The following SLC38A6 variants were observed in gnomAD, a reference collection of about 807,000 sequenced individuals.
SLC38A6 encodes the protein N system amino acid transporter NAT-1.
SLC38A6 carries 73 observed loss-of-function variants against 65.0 expected under a neutral mutation model. The ratio of observed to expected loss-of-function variants is 1.12; its 90% CI spans 0.93 to 1.37. SLC38A6 has a LOEUF of 1.37. Ranked by LOEUF, SLC38A6 falls within the 40% of genes most tolerant of loss-of-function variation. The pLI is 0.00. For missense variants in SLC38A6, 561 were observed against 531.1 expected (o/e 1.06, Z -0.55); for synonymous variants, 183 against 178.8 (o/e 1.02, Z -0.19).
chr14:60,994,853 A>C (rs528188317), intron 3 of SLC38A6, among the ~76,000 whole-genome samples: 3 of 151,116 alleles, frequency 2.0e-5, no homozygotes, highest in African/African-American at 4.9e-5. Flanking sequence ...AAAATACAAA[A>C]ATTAGCCAAG....
chr14:60,990,891 C>T (rs925397972), intron 3 of SLC38A6, among the ~76,000 whole-genome samples: 1 of 152,064 alleles, frequency 6.6e-6, no homozygotes, highest in African/African-American at 2.4e-5. Context: ...ACCACGATGC[C>T]TAGGCTGTTT....
intron 3 of SLC38A6, among the ~76,000 whole-genome samples, chr14:60,998,286 C>T (rs140021687): frequency 2.0e-3 from 307 of 151,860 alleles, no homozygotes; most frequent in African/African-American, 7.2e-3. Context: ...CTGCCATCCC[C>T]GCATCCTGTA....
At chr14:61,014,115 T>A (rs998980973) in intron 3 of SLC38A6, among the ~76,000 whole-genome samples, 7 of 152,354 alleles carry the variant, frequency 4.6e-5, no homozygotes, top group African/African-American at 1.2e-4. Context: ...ACTTCTCTTC[T>A]CGCTTCATTT....
rs772877684 is a variant in SLC38A6, at chr14:61,046,114, T to C, written c.872T>C (p.Leu291Ser). Residue 291 changes from leucine (L) to serine (S), a missense_variant, in exon 12 of 16, where the codon TTA (leucine) becomes TCA (serine). Leu to Ser is a moderately radical substitution (Grantham distance 145). Transcript: ENST00000267488. ...MQNVTNTAIA[L>S]SFLIYFISAL... ...AATGTTACCAATACAGCAATTGCTT[T>C]AAGTTTTCTCATTTATTTTATATCT... 3.7e-6 allele frequency: 6 copies of C among 1,612,012 alleles called. No individual in the cohort carries two copies. The highest frequency in any genetic ancestry group is 2.7e-5 in the African/African-American group (2 of 74,898).
intron 3 of SLC38A6, among the ~76,000 whole-genome samples, chr14:60,988,779 A>T (rs1056807729): frequency 6.6e-6 from 1 of 152,190 alleles, no homozygotes; most frequent in Admixed American, 6.5e-5. Flanking sequence ...ATGTTATTTA[A>T]TCCCTTGCCT....
intron 4 of SLC38A6, among the ~76,000 whole-genome samples, chr14:61,018,117 G>A (rs1025806055): frequency 6.6e-6 from 1 of 152,110 alleles, no homozygotes; most frequent in Non-Finnish European, 1.5e-5. Flanking sequence ...TAGCTTTCAA[G>A]ATATTAAATG....
intron 12 of SLC38A6, among the ~76,000 whole-genome samples, chr14:61,046,783 T>G (rs972325621): frequency 2.0e-5 from 3 of 152,166 alleles, no homozygotes; most frequent in Non-Finnish European, 2.9e-5. Flanking sequence ...GTTGACTTTT[T>G]TTCCTCTTCT....
intron 12 of SLC38A6, among the ~76,000 whole-genome samples, chr14:61,046,468 G>A (rs1417389643): frequency 2.6e-5 from 4 of 152,134 alleles, no homozygotes; most frequent in Admixed American, 6.6e-5. Context: ...TAATGATTCT[G>A]TTTTTCTTAA....
At chr14:61,043,407 ATGGCTGT>A (rs2041929942) in intron 9 of SLC38A6, 36 bp from the exon 10 acceptor site, 1 of 1,434,806 alleles carries the variant, frequency 7.0e-7, no homozygotes, top group Non-Finnish European at 9.6e-7. Context: ...CTGAAATTTA[ATGGCTGT>A]TGGTTTCTCT....
chr14:61,073,060 A>G (rs905013377), intron 15 of SLC38A6, among the ~76,000 whole-genome samples: 2 of 151,822 alleles, frequency 1.3e-5, no homozygotes, highest in African/African-American at 4.8e-5. Flanking sequence ...TATTATCTGT[A>G]TTTTTTATAA....
chr14:61,014,089 A>G (rs1217334975), intron 3 of SLC38A6, among the ~76,000 whole-genome samples: 2 of 151,944 alleles, frequency 1.3e-5, no homozygotes, highest in African/African-American at 4.8e-5. Context: ...ATTTCTTTTT[A>G]TTCTTTTTTC....
At chr14:60,992,200 C>T (rs2037951598) in intron 3 of SLC38A6, among the ~76,000 whole-genome samples, 1 of 152,124 alleles carries the variant, frequency 6.6e-6, no homozygotes, top group African/African-American at 2.4e-5. Context: ...TCCATGCTGC[C>T]GAAACATATC....
At chr14:61,029,820 A>C (rs1421832551) in intron 5 of SLC38A6, among the ~76,000 whole-genome samples, 5 of 152,210 alleles carry the variant, frequency 3.3e-5, no homozygotes, top group African/African-American at 1.2e-4. Context: ...TAATATATTT[A>C]ATGGTTTATA....
intron 3 of SLC38A6, among the ~76,000 whole-genome samples, chr14:61,013,268 C>T (rs2039722308): frequency 1.3e-5 from 2 of 152,128 alleles, no homozygotes; most frequent in Admixed American, 6.5e-5. Context: ...TATTTTGAGC[C>T]TATGTGTGTC....
chr14:61,007,137 C>T (rs527317900), intron 3 of SLC38A6, among the ~76,000 whole-genome samples: 28 of 151,886 alleles, frequency 1.8e-4, no homozygotes, highest in African/African-American at 4.6e-4. Flanking sequence ...AACACATGGA[C>T]GCAGGAAGGG....
At chr14:61,050,429 A>C (rs1423851482) in intron 12 of SLC38A6, 83 bp from the exon 13 acceptor site, 1 of 898,434 alleles carries the variant, frequency 1.1e-6, no homozygotes, top group Admixed American at 3.5e-5. Flanking sequence ...ATCTGTTATC[A>C]TCCATTAGTG....
chr14:61,078,933 C>T (rs945391650), intron 16 of SLC38A6: 6 of 164,246 alleles, frequency 3.7e-5, no homozygotes, highest in South Asian at 1.5e-4. Context: ...TACAGGTATG[C>T]GCCACCATGC....
intron 3 of SLC38A6, among the ~76,000 whole-genome samples, chr14:60,987,990 A>C (rs1338159411): frequency 6.6e-6 from 1 of 152,186 alleles, no homozygotes; most frequent in African/African-American, 2.4e-5. Context: ...TATGGCTGTC[A>C]TCTGTTTCTG....
intron 11 of SLC38A6, 42 bp from the exon 12 acceptor site, chr14:61,046,025 A>G: frequency 8.0e-7 from 1 of 1,252,482 alleles, no homozygotes; most frequent in South Asian, 1.3e-5. Context: ...TTTACATATA[A>G]TTCAGATCAC....
Sources: allele counts gnomAD v4.1 joint callset (sites outside exome capture counted in the v4.1 genomes callset), GRCh38; gene constraint gnomAD v4.1.1; transcripts MANE v1.5; gene names NCBI Gene and HGNC (gene_info 2026-07-23, HGNC 2026-07-21).